PCDH15: variants seen among roughly 807,000 people sequenced by gnomAD.
PCDH15 encodes protocadherin related 15, also known as protocadherin-15.
Under a neutral mutation model 178.5 loss-of-function variants are expected in PCDH15, and 129 were observed. The ratio of observed to expected loss-of-function variants is 0.72; its 90% confidence interval spans 0.63 to 0.84. The LOEUF is 0.84. PCDH15 is among the 40% of genes least tolerant of loss of function. The pLI, the probability that PCDH15 is intolerant of heterozygous loss-of-function variation, is 0.00. For synonymous variants in PCDH15, 800 were observed against 732.0 expected (o/e 1.09, Z -1.50); for missense variants, 2,230 against 2,099.9 (o/e 1.06, Z -1.21).
intron 18 of PCDH15, among the ~76,000 whole-genome samples, chr10:54,053,495 C>T (rs2093821209): frequency 6.6e-6 from 1 of 152,036 alleles, no homozygotes; most frequent in Non-Finnish European, 1.5e-5. Context: ...AATTTGTACA[C>T]AGTATTACAT....
At chr10:54,093,875 A>G (rs966576059) in intron 15 of PCDH15, among the ~76,000 whole-genome samples, 3 of 152,176 alleles carry the variant, frequency 2.0e-5, no homozygotes, top group Non-Finnish European at 2.9e-5. Context: ...ATGGGAGCAT[A>G]GTGTTATTCA....
chr10:55,209,748 T>C (rs1361107615), intron 1 of PCDH15, among the ~76,000 whole-genome samples: 1 of 152,086 alleles, frequency 6.6e-6, no homozygotes, highest in Non-Finnish European at 1.5e-5. Context: ...ATTATGTTTT[T>C]TAAATAACAT....
chr10:53,877,208 G>T (rs991219103), intron 26 of PCDH15, among the ~76,000 whole-genome samples: 1 of 151,598 alleles, frequency 6.6e-6, no homozygotes, highest in African/African-American at 2.4e-5. Flanking sequence ...CCTATAAATG[G>T]TTTTGCTTTT....
chr10:53,963,453 ACTT>A (rs968644098), intron 21 of PCDH15, among the ~76,000 whole-genome samples: 2 of 152,032 alleles, frequency 1.3e-5, no homozygotes, highest in Non-Finnish European at 2.9e-5. Flanking sequence ...TGTTTCAAGA[ACTT>A]CTACATTTTC....
At chr10:54,642,863 T>C (rs1331180251) in intron 2 of PCDH15, among the ~76,000 whole-genome samples, 1 of 152,218 alleles carries the variant, frequency 6.6e-6, no homozygotes, top group Non-Finnish European at 1.5e-5. Context: ...CCCAAGTTTA[T>C]TCTTTATAAA....
intron 3 of PCDH15, among the ~76,000 whole-genome samples, chr10:54,502,778 C>A (rs956487974): frequency 6.6e-6 from 1 of 151,970 alleles, no homozygotes; most frequent in Admixed American, 6.6e-5. Context: ...GGCTTGAATG[C>A]AGTTTCCTTT....
At chr10:55,309,533 A>AAAAAT (rs1459050115) in intron 1 of PCDH15, among the ~76,000 whole-genome samples, 1 of 151,986 alleles carries the variant, frequency 6.6e-6, no homozygotes, top group African/African-American at 2.4e-5. Context: ...AAAAAAAAAA[A>AAAAAT]AAAGTTAAAA....
chr10:54,554,609 T>C lies in PCDH15; in HGVS notation c.92-26732A>G, dbSNP rs551510494. On this transcript the variant is annotated intron_variant, in intron 2 of 37. Transcript: ENST00000644397. ...TTCCTGAAAATAGGTTGGACTTCCA[T>C]CTCATTATAAAAAGAGAAAGAATGA... Among the ~76,000 whole-genome samples, 44 of 152,254 alleles carry C rather than the reference T, an allele frequency of 2.9e-4. No individual in the cohort carries two copies. The East Asian group carries it at 7.3e-3, about 25-fold the overall frequency.
At chr10:54,976,100 T>C (rs569098087) in intron 2 of PCDH15, among the ~76,000 whole-genome samples, 2 of 152,132 alleles carry the variant, frequency 1.3e-5, no homozygotes, top group African/African-American at 2.4e-5. Context: ...AATTATCTTT[T>C]CAAAATTATG....
At chr10:54,027,443 T>C (rs1420865754) in intron 18 of PCDH15, among the ~76,000 whole-genome samples, 2 of 152,058 alleles carry the variant, frequency 1.3e-5, no homozygotes, top group Non-Finnish European at 2.9e-5. Context: ...AAAACTACTT[T>C]AAAGTTCATA....
At chr10:54,751,104 CTG>C (rs1366629980) in intron 1 of PCDH15, among the ~76,000 whole-genome samples, 19 of 152,046 alleles carry the variant, frequency 1.2e-4, no homozygotes, top group Admixed American at 8.5e-4. Flanking sequence ...CTTTATAAAA[CTG>C]TTAGTATTAA....
intron 8 of PCDH15, among the ~76,000 whole-genome samples, chr10:54,247,353 T>C (rs114787866): frequency 6.6e-6 from 1 of 152,026 alleles, no homozygotes; most frequent in Non-Finnish European, 1.5e-5. Flanking sequence ...TTTATATCTG[T>C]AGGACCAGAC....
At position 55,435,671 on chromosome 10, in the gene PCDH15, A is replaced by G. The variant is rs570421385; in HGVS notation, c.-156+191954T>C. Among the ~76,000 whole-genome samples the G allele has an allele frequency of 2.0e-5, 3 of 152,246 alleles. No homozygotes were observed. In the East Asian group the frequency reaches 5.8e-4, roughly 29 times the overall value. ...TAAAAGATGGGAAAAAAAGTGGAAA[A>G]CCAGGGTAACTTACAATGAGACAGG... is the stretch of plus-strand genomic sequence containing the variant. On this transcript the variant is annotated intron_variant, in intron 2 of 5. Coordinates refer to the PCDH15 transcript ENST00000613346.
intron 28 of PCDH15, among the ~76,000 whole-genome samples, chr10:53,845,963 C>T (rs534258170): frequency 1.1e-4 from 16 of 149,744 alleles, no homozygotes; most frequent in African/African-American, 3.9e-4. Flanking sequence ...TATATGAATC[C>T]AAATATCACA....
intron 1 of PCDH15, among the ~76,000 whole-genome samples, chr10:55,300,868 A>G (rs2132277776): frequency 6.6e-6 from 1 of 152,322 alleles, no homozygotes; most frequent in African/African-American, 2.4e-5. Context: ...GCACAATTTT[A>G]GAACAATATT....
chr10:53,874,046 G>T (rs1243692562), intron 26 of PCDH15, among the ~76,000 whole-genome samples: 1 of 152,104 alleles, frequency 6.6e-6, no homozygotes, highest in African/African-American at 2.4e-5. Context: ...CAAGTCTATG[G>T]TATTCTGCTA....
At chr10:54,921,956 A>T (rs1837501659) in intron 2 of PCDH15, among the ~76,000 whole-genome samples, 1 of 152,146 alleles carries the variant, frequency 6.6e-6, no homozygotes, top group Non-Finnish European at 1.5e-5. Context: ...GAAGTGCAAA[A>T]CACTTTCAAA....
At chr10:55,097,202 G>T (rs1445574199) in intron 2 of PCDH15, among the ~76,000 whole-genome samples, 1 of 152,076 alleles carries the variant, frequency 6.6e-6, no homozygotes, top group Non-Finnish European at 1.5e-5. Context: ...TAAACTAATA[G>T]ATTTAATTAT....
chr10:54,027,345 C>T (rs1483116912), intron 18 of PCDH15, among the ~76,000 whole-genome samples: 42 of 151,752 alleles, frequency 2.8e-4, no homozygotes, highest in African/African-American at 8.7e-4. Context: ...GAATCAATAT[C>T]GTGAAAATGG....
Sources: allele counts gnomAD v4.1 joint callset (sites outside exome capture counted in the v4.1 genomes callset), GRCh38; gene constraint gnomAD v4.1.1; transcripts MANE v1.5; gene names NCBI Gene and HGNC (gene_info 2026-07-23, HGNC 2026-07-21).